Variants in COMMD10 observed in about 807,000 individuals in gnomAD.
COMMD10 encodes the protein COMM domain-containing protein 10.
In COMMD10, 33 loss-of-function variants were observed where a neutral mutation model predicts 28.9. The ratio of observed to expected loss-of-function variants is 1.14; its 90% CI spans 0.87 to 1.53. The LOEUF is 1.53. Among genes scored for constraint, COMMD10 ranks in the 40% most tolerant of loss-of-function variants. The pLI is 0.00. For missense variants in COMMD10, 310 were observed against 233.4 expected, an observed-to-expected ratio of 1.33 and a Z score of -2.14; for synonymous variants, 110 against 81.7, an observed-to-expected ratio of 1.35 and a Z score of -1.87.
At chr5:116,282,015 C>T (rs1751081894) in intron 5 of COMMD10, among the ~76,000 whole-genome samples, 1 of 151,856 alleles carries the variant, frequency 6.6e-6, no homozygotes, top group African/African-American at 2.4e-5. Context: ...CCCAAATTCT[C>T]TTTTCTGGCT....
intron 5 of COMMD10, among the ~76,000 whole-genome samples, chr5:116,287,902 A>T (rs79600436): frequency 2.6e-5 from 4 of 151,726 alleles, no homozygotes; most frequent in Non-Finnish European, 5.9e-5. Flanking sequence ...TCTATATATT[A>T]CATGTACATT....
At chr5:116,142,861 C>T (rs1369205761) in intron 5 of COMMD10, among the ~76,000 whole-genome samples, 2 of 151,534 alleles carry the variant, frequency 1.3e-5, no homozygotes, top group East Asian at 3.9e-4. Flanking sequence ...TAGATAATTG[C>T]CAAGATACTT....
chr5:116,281,128 T>A (rs1304957023), intron 5 of COMMD10, among the ~76,000 whole-genome samples: 3 of 151,856 alleles, frequency 2.0e-5, no homozygotes, highest in African/African-American at 4.9e-5. Flanking sequence ...TTGGTTTAAT[T>A]CTTACCTAGT....
intron 4 of COMMD10, among the ~76,000 whole-genome samples, chr5:116,116,124 G>GA (rs1305109405): frequency 1.3e-5 from 2 of 151,922 alleles, no homozygotes; most frequent in Non-Finnish European, 2.9e-5. Context: ...AAATCTACAT[G>GA]AAAAAATGGA....
chr5:116,147,350 C>A (rs563936799), intron 5 of COMMD10, among the ~76,000 whole-genome samples: 1 of 151,920 alleles, frequency 6.6e-6, no homozygotes, highest in Non-Finnish European at 1.5e-5. Flanking sequence ...ATTATCCTAA[C>A]CTTTGCTACC....
chr5:116,181,216 A>G (rs997180463), intron 5 of COMMD10, among the ~76,000 whole-genome samples: 1 of 151,988 alleles, frequency 6.6e-6, no homozygotes, highest in Non-Finnish European at 1.5e-5. Flanking sequence ...CTGTTTCTGT[A>G]GTGTACTTCT....
intron 5 of COMMD10, among the ~76,000 whole-genome samples, chr5:116,156,974 C>G (rs1326093533): frequency 1.3e-5 from 2 of 152,114 alleles, no homozygotes; most frequent in South Asian, 2.1e-4. Flanking sequence ...TTAGGAACAA[C>G]CAGTTGATTT....
intron 4 of COMMD10, among the ~76,000 whole-genome samples, chr5:116,101,416 T>TA (rs1202119773): frequency 7.9e-5 from 12 of 151,778 alleles, no homozygotes; most frequent in African/African-American, 2.9e-4. Flanking sequence ...ACTTTTTTAT[T>TA]TTTTATTTAT....
intron 5 of COMMD10, among the ~76,000 whole-genome samples, chr5:116,225,353 G>GGTTT (rs143964154): frequency 6.0e-5 from 7 of 116,500 alleles, no homozygotes; most frequent in African/African-American, 2.4e-4. Flanking sequence ...TTTTTTTGGG[G>GGTTT]ATTTTTTTTT....
At chr5:116,202,724 G>A (rs1748702097) in intron 5 of COMMD10, among the ~76,000 whole-genome samples, 1 of 151,330 alleles carries the variant, frequency 6.6e-6, no homozygotes, top group African/African-American at 2.4e-5. Flanking sequence ...CCCACTTTTT[G>A]ATGGGGTTGT....
Position 116,143,759 on chromosome 5 carries a change from A to G in COMMD10, c.510+9581A>G, listed in dbSNP as rs147550391. On this transcript the variant is annotated intron_variant, in intron 5 of 6. Coordinates refer to ENST00000274458, the MANE Select transcript of COMMD10 (RefSeq NM_016144.4). ...CAATTCAATAAAGTAAATATGCACT[A>G]ACTTTTTAAACATCTTGAATTCAGT... 4.3e-3 allele frequency among the ~76,000 whole-genome samples: 656 copies of G among 152,054 alleles called. 3 individuals are homozygous for G. Among genetic ancestry groups the G allele is most frequent in the African/African-American group, 6.7e-3 (280 of 41,546 alleles).
intron 5 of COMMD10, among the ~76,000 whole-genome samples, chr5:116,176,047 A>G (rs1753498952): frequency 7.6e-6 from 1 of 130,738 alleles, no homozygotes; most frequent in Admixed American, 7.1e-5. Flanking sequence ...ATTTTACCAC[A>G]ATTTAGAAAA....
chr5:116,155,106 A>G (rs1303169981), intron 5 of COMMD10, among the ~76,000 whole-genome samples: 1 of 152,142 alleles, frequency 6.6e-6, no homozygotes, highest in Non-Finnish European at 1.5e-5. Context: ...AGACCTTGGC[A>G]TACATTGACT....
rs7701799 is a variant in COMMD10 at position 116,097,539 on chromosome 5, G to C, written c.399+4839G>C. Reference sequence around the variant, plus strand: ...TCCTAACACATAGATGTTAGCTGCGGAATTTTTCTGCGTCAGGCATTATGC... The same window carrying C: ...TCCTAACACATAGATGTTAGCTGCGCAATTTTTCTGCGTCAGGCATTATGC... On this transcript the variant is annotated intron_variant, in intron 4 of 6. Transcript: ENST00000274458. 2.3e-3 allele frequency among the ~76,000 whole-genome samples: 354 copies of C among 152,282 alleles called. 3 individuals are homozygous for C. Among genetic ancestry groups the C allele is most frequent in the African/African-American group, 8.2e-3 (340 of 41,556 alleles).
At chr5:116,239,558 A>C (rs963603874) in intron 5 of COMMD10, among the ~76,000 whole-genome samples, 1 of 152,178 alleles carries the variant, frequency 6.6e-6, no homozygotes, top group Non-Finnish European at 1.5e-5. Context: ...TGTAGCATTT[A>C]GCTTTGTATT....
intron 5 of COMMD10, among the ~76,000 whole-genome samples, chr5:116,265,893 C>T (rs1750571116): frequency 6.6e-6 from 1 of 151,750 alleles, no homozygotes; most frequent in South Asian, 2.1e-4. Context: ...AGATCCTACC[C>T]TTAAGAACCT....
At chr5:116,221,962 A>T (rs1749271553) in intron 5 of COMMD10, among the ~76,000 whole-genome samples, 1 of 152,190 alleles carries the variant, frequency 6.6e-6, no homozygotes, top group African/African-American at 2.4e-5. Flanking sequence ...TTGTGAAAAG[A>T]TGAACTGAAT....
intron 5 of COMMD10, among the ~76,000 whole-genome samples, chr5:116,257,746 A>T (rs781564256): frequency 6.6e-6 from 1 of 151,808 alleles, no homozygotes; most frequent in Admixed American, 6.6e-5. Flanking sequence ...AAGGAATATT[A>T]TGGTGGGTTC....
rs183636291 is a variant in COMMD10 at position 116,222,723 on chromosome 5, G to C, written c.511-68794G>C. ...TTATTATTTTTTGAGAGGGAGTCTT[G>C]CTCTGTTGCCCAGGCTGGAATGCAG... On this transcript the variant is annotated intron_variant, in intron 5 of 6. Transcript: ENST00000274458. Among the ~76,000 whole-genome samples the C allele has an allele frequency of 2.6e-5, 4 of 152,228 alleles. No individual in the cohort carries two copies. The South Asian group carries it at 6.2e-4, about 24-fold the overall frequency.
Sources: gnomAD v4.1 joint callset for allele counts (sites outside exome capture counted in the v4.1 genomes callset) on GRCh38, gnomAD v4.1.1 for gene constraint, MANE v1.5 for transcripts, NCBI Gene and HGNC (gene_info 2026-07-23, HGNC 2026-07-21) for gene names.